The following TSNARE1 variants were observed in gnomAD, a reference collection of about 807,000 sequenced individuals.
The protein encoded by TSNARE1 is t-SNARE domain containing 1, also known as t-SNARE domain-containing protein 1.
In TSNARE1, 49 loss-of-function variants were observed where a neutral mutation model predicts 62.0. That is an observed-to-expected ratio of 0.79 (90% confidence interval 0.63 to 1.00). TSNARE1 has a LOEUF of 1.00. TSNARE1 is among the 50% of genes least tolerant of loss of function. The pLI is 0.00. For missense variants in TSNARE1, 755 were observed against 700.1 expected, an observed-to-expected ratio of 1.08 and a Z score of -0.88; for synonymous variants, 328 against 294.4, an observed-to-expected ratio of 1.11 and a Z score of -1.17.
chr8:142,332,720 C>T (rs2132054139), intron 4 of TSNARE1, among the ~76,000 whole-genome samples: 1 of 152,234 alleles, frequency 6.6e-6, no homozygotes, highest in East Asian at 1.9e-4. Context: ...CTCTGTCCAC[C>T]CCTCAGTCAG....
chr8:142,388,438 A>C (rs1837253947), intron 1 of TSNARE1, among the ~76,000 whole-genome samples: 1 of 151,578 alleles, frequency 6.6e-6, no homozygotes, highest in African/African-American at 2.4e-5. Flanking sequence ...GGAAAGGATA[A>C]GGTTAACCAT....
intron 1 of TSNARE1, among the ~76,000 whole-genome samples, chr8:142,385,062 C>T (rs1356711790): frequency 6.8e-6 from 1 of 148,102 alleles, no homozygotes; most frequent in Admixed American, 6.8e-5. Context: ...GAGAGAAAAG[C>T]GAATGAAATG....
Position 142,221,715 on chromosome 8 carries a change from ACTC to A in TSNARE1, c.*11+7755_*11+7757del, listed in dbSNP as rs1343868440. 6.2e-5 allele frequency among the ~76,000 whole-genome samples: 9 copies of A among 144,684 alleles called. 1 individual carries two copies. The highest frequency in any genetic ancestry group is 1.5e-5 in the Non-Finnish European group (1 of 65,932). 94.9% of individuals were successfully genotyped at this position (144,684 alleles called of 152,430 possible). A position where few individuals can be genotyped will look rare whatever the true frequency, so the allele number is the denominator to read the frequency against. ...CACTCATCCACTCACTCATCCACTC[ACTC>A]ACTCATTCACTCACTCATTCACTCA... On this transcript the variant is annotated intron_variant, in intron 13 of 13. Transcript: ENST00000524325.
chr8:142,275,964 C>A (rs946656788), intron 11 of TSNARE1: 1 of 985,426 alleles, frequency 1.0e-6, no homozygotes, highest in African/African-American at 1.7e-5. Context: ...TCTCTGCAAG[C>A]CCCCTGGGCA....
chr8:142,334,005 C>T (rs1019296109), intron 4 of TSNARE1, among the ~76,000 whole-genome samples: 4 of 152,302 alleles, frequency 2.6e-5, no homozygotes, highest in East Asian at 3.9e-4. Context: ...AGCCTAAAGG[C>T]GCCTCCTTAC....
intron 12 of TSNARE1, among the ~76,000 whole-genome samples, chr8:142,250,610 C>T (rs886459362): frequency 3.3e-5 from 5 of 152,194 alleles, no homozygotes; most frequent in Admixed American, 6.5e-5. Context: ...TTGATGGCAG[C>T]GTTAATGAGC....
At chr8:142,277,246 A>C in intron 11 of TSNARE1, 1 of 985,354 alleles carries the variant, frequency 1.0e-6, no homozygotes, top group South Asian at 4.7e-5. Context: ...AGTCCAAGGG[A>C]TACCCAAGCA....
rs149692959 is a variant in TSNARE1 at position 142,349,315 on chromosome 8, A to C, written c.89-3423T>G. On this transcript the variant is annotated intron_variant, in intron 2 of 13. Coordinates refer to ENST00000524325, the MANE Select transcript of TSNARE1 (RefSeq NM_145003.5). ...AAAGTTAAAGATATTTAGAACTGAA[A>C]AAAAATTTAAAATACTATACATTTC... Among the ~76,000 whole-genome samples, 918 of 152,376 alleles carry C rather than the reference A, an allele frequency of 6.0e-3. 10 individuals are homozygous for C. The highest frequency in any genetic ancestry group is 0.021 in the African/African-American group (861 of 41,590).
In TSNARE1 at chr8:142,317,186, C is replaced by T. The variant is rs772247708; in HGVS notation, c.984+1358G>A. 1.6e-3 allele frequency among the ~76,000 whole-genome samples: 236 copies of T among 151,238 alleles called. 2 individuals are homozygous for T. Among genetic ancestry groups the T allele is most frequent in the Non-Finnish European group, 8.5e-4 (58 of 67,864 alleles). ...AGCGGCTCACACTGTACGCATGAAG[C>T]GGGTATGGCCAGCGGCTCACACTGC... On this transcript the variant is annotated intron_variant, in intron 7 of 13. Coordinates refer to ENST00000524325, the MANE Select transcript of TSNARE1 (RefSeq NM_145003.5).
At chr8:142,340,164 G>T (rs62513779) in intron 4 of TSNARE1, among the ~76,000 whole-genome samples, 1 of 152,204 alleles carries the variant, frequency 6.6e-6, no homozygotes, top group Non-Finnish European at 1.5e-5. Flanking sequence ...TCAGGCCTTG[G>T]AAGATGGAGA....
At chr8:142,213,833 C>T (rs1163683401) in intron 13 of TSNARE1, among the ~76,000 whole-genome samples, 1 of 152,168 alleles carries the variant, frequency 6.6e-6, no homozygotes, top group East Asian at 1.9e-4. Context: ...TCCTGCAGGG[C>T]GGAGCTGAGC....
intron 13 of TSNARE1, among the ~76,000 whole-genome samples, chr8:142,222,848 C>T (rs866062966): frequency 3.9e-4 from 41 of 104,188 alleles, no homozygotes; most frequent in Admixed American, 7.9e-4. Context: ...ACTCATTCAT[C>T]CACTCACTCA....
At chr8:142,303,301 T>A (rs1826077106) in intron 9 of TSNARE1, among the ~76,000 whole-genome samples, 1 of 151,944 alleles carries the variant, frequency 6.6e-6, no homozygotes, top group Non-Finnish European at 1.5e-5. Context: ...GGGGATCACC[T>A]CCCCTGGAGC....
intron 4 of TSNARE1, among the ~76,000 whole-genome samples, chr8:142,340,982 G>A (rs1832509959): frequency 6.6e-6 from 1 of 152,234 alleles, no homozygotes. Context: ...ACTTTAGGGA[G>A]CCTGTTTCAA....
At chr8:142,335,258 T>C (rs930837609) in intron 4 of TSNARE1, among the ~76,000 whole-genome samples, 2 of 151,904 alleles carry the variant, frequency 1.3e-5, no homozygotes, top group African/African-American at 4.8e-5. Flanking sequence ...ACTGAAACCA[T>C]GTCAACGAGG....
At chr8:142,304,577 G>C (rs4976995) in intron 9 of TSNARE1, among the ~76,000 whole-genome samples, 2 of 152,230 alleles carry the variant, frequency 1.3e-5, no homozygotes, top group Admixed American at 1.3e-4. Flanking sequence ...GAGGGCTCAG[G>C]AACACTGCCC....
intron 10 of TSNARE1, among the ~76,000 whole-genome samples, chr8:142,290,320 C>A (rs918494637): frequency 6.6e-6 from 1 of 152,188 alleles, no homozygotes; most frequent in Non-Finnish European, 1.5e-5. Flanking sequence ...CCTGGCACGG[C>A]AGCCAGAGGG....
chr8:142,318,389 C>A (rs1206663048), intron 7 of TSNARE1, among the ~76,000 whole-genome samples, 155 bp downstream of exon 7: 5 of 152,216 alleles, frequency 3.3e-5, no homozygotes, highest in African/African-American at 4.8e-5. Flanking sequence ...GGTTCTGAGC[C>A]ATGGAGCCAT....
chr8:142,297,138 A>G (rs1490903651), intron 10 of TSNARE1, among the ~76,000 whole-genome samples: 1 of 152,238 alleles, frequency 6.6e-6, no homozygotes. Flanking sequence ...ACACGGGCCT[A>G]AAGCCAGGAC....
Sources: gnomAD v4.1 joint callset for allele counts (sites outside exome capture counted in the v4.1 genomes callset) on GRCh38, gnomAD v4.1.1 for gene constraint, MANE v1.5 for transcripts, NCBI Gene and HGNC (gene_info 2026-07-23, HGNC 2026-07-21) for gene names.